Variants in LRRC4C observed in about 807,000 individuals in gnomAD.
The protein encoded by LRRC4C is leucine-rich repeat-containing protein 4C.
A neutral mutation model predicts 33.6 loss-of-function variants in LRRC4C; 5 were observed. The observed-to-expected ratio is 0.15, with a 90% CI of 0.08 to 0.31. The LOEUF (loss-of-function observed/expected upper bound fraction) is 0.31, where lower values mean the gene tolerates loss of function less well. Ranked by LOEUF, LRRC4C falls within the 10% of genes least tolerant of loss-of-function variation. The pLI, the probability that LRRC4C is intolerant of heterozygous loss-of-function variation, is 1.00. For synonymous variants in LRRC4C, 329 were observed against 302.0 expected, an observed-to-expected ratio of 1.09 and a Z score of -0.93; for missense variants, 560 against 796.7, an observed-to-expected ratio of 0.70 and a Z score of 3.58.
intron 3 of LRRC4C, among the ~76,000 whole-genome samples, chr11:40,339,473 C>T (rs1414871197): frequency 2.0e-5 from 3 of 152,156 alleles, no homozygotes; most frequent in African/African-American, 7.2e-5. Flanking sequence ...TTAAAATGTG[C>T]ACTATTTCAG....
intron 3 of LRRC4C, among the ~76,000 whole-genome samples, chr11:40,368,232 T>C (rs1408607910): frequency 6.6e-6 from 1 of 152,160 alleles, no homozygotes; most frequent in African/African-American, 2.4e-5. Flanking sequence ...TTGGTGGCGA[T>C]ACAATATACT....
At chr11:41,301,148 G>T (rs1950275714) in intron 1 of LRRC4C, among the ~76,000 whole-genome samples, 1 of 152,196 alleles carries the variant, frequency 6.6e-6, no homozygotes, top group African/African-American at 2.4e-5. Context: ...CTGTGTATTT[G>T]CTGCTGTGCT....
intron 1 of LRRC4C, among the ~76,000 whole-genome samples, chr11:41,163,282 C>CTTTTTTTTTTTTTTT (rs1207086558): frequency 2.2e-3 from 40 of 18,514 alleles, no homozygotes; most frequent in Non-Finnish European, 4.1e-3. Context: ...TTTACTGTAA[C>CTTTTTTTTTTTTTTT]TGTTTTTTTT....
At chr11:40,142,329 C>T (rs1423950143) in intron 5 of LRRC4C, among the ~76,000 whole-genome samples, 1 of 145,096 alleles carries the variant, frequency 6.9e-6, no homozygotes, top group East Asian at 2.0e-4. Context: ...AATGTTTTCC[C>T]AAATCTCATG....
intron 1 of LRRC4C, among the ~76,000 whole-genome samples, chr11:41,377,608 T>G (rs569538130): frequency 4.1e-4 from 63 of 152,286 alleles, no homozygotes; most frequent in African/African-American, 1.4e-3. Context: ...AAGACAGAAC[T>G]GAATCTCAGG....
intron 1 of LRRC4C, among the ~76,000 whole-genome samples, chr11:41,138,880 C>CT (rs1216530760): frequency 6.6e-6 from 1 of 152,122 alleles, no homozygotes; most frequent in African/African-American, 2.4e-5. Flanking sequence ...TTTAATTAAA[C>CT]TTTCTTTAAA....
rs372638970 is a variant in LRRC4C at position 40,269,334 on chromosome 11, A to G, written c.-175-27736T>C. 7.9e-5 allele frequency among the ~76,000 whole-genome samples: 12 copies of G among 152,324 alleles called. No homozygotes were observed. The East Asian group carries it at 2.1e-3, about 27-fold the overall frequency. The stretch of plus-strand genomic sequence containing the variant: ...TTTATTGAGTTCTTACTATGTGTCA[A>G]TCAAGTACCTAACACTAATTTTAAT... On this transcript the variant is annotated intron_variant, in intron 4 of 6. Coordinates refer to ENST00000528697, the MANE Select transcript of LRRC4C (RefSeq NM_001258419.2).
chr11:40,653,263 A>G (rs957809582), intron 2 of LRRC4C, among the ~76,000 whole-genome samples: 2 of 152,198 alleles, frequency 1.3e-5, no homozygotes, highest in African/African-American at 4.8e-5. Context: ...AGGGCTTAGA[A>G]TAAGACAGAA....
chr11:40,369,998 G>A (rs1948380920), intron 3 of LRRC4C, among the ~76,000 whole-genome samples: 1 of 152,040 alleles, frequency 6.6e-6, no homozygotes, highest in East Asian at 1.9e-4. Context: ...TTTTGGTAGA[G>A]AGAAGAAGAA....
intron 2 of LRRC4C, among the ~76,000 whole-genome samples, chr11:40,880,086 G>T (rs1324274574): frequency 1.3e-5 from 2 of 152,132 alleles, no homozygotes; most frequent in African/African-American, 2.4e-5. Flanking sequence ...GCCATGCTGT[G>T]AGAAAACCAG....
At chr11:40,983,963 T>A (rs1852727123) in intron 1 of LRRC4C, among the ~76,000 whole-genome samples, 1 of 152,146 alleles carries the variant, frequency 6.6e-6, no homozygotes, top group Admixed American at 6.5e-5. Flanking sequence ...AATTTTGTCA[T>A]GGAAATTCAA....
At chr11:40,179,110 C>T in intron 5 of LRRC4C, among the ~76,000 whole-genome samples, 1 of 151,528 alleles carries the variant, frequency 6.6e-6, no homozygotes. Flanking sequence ...GCTCCAGGGA[C>T]CTTCTTGCCT....
At chr11:40,687,420 C>T (rs1010388247) in intron 2 of LRRC4C, among the ~76,000 whole-genome samples, 7 of 151,882 alleles carry the variant, frequency 4.6e-5, no homozygotes, top group Admixed American at 2.6e-4. Flanking sequence ...ATAGATAGAT[C>T]GATCCTCTTT....
intron 6 of LRRC4C, among the ~76,000 whole-genome samples, chr11:40,139,101 G>A (rs1857183955): frequency 6.6e-6 from 1 of 152,184 alleles, no homozygotes; most frequent in Admixed American, 6.5e-5. Flanking sequence ...GCTAACAAGA[G>A]AAAGAGAGGG....
intron 1 of LRRC4C, among the ~76,000 whole-genome samples, chr11:41,432,749 T>G (rs1955284293): frequency 6.6e-6 from 1 of 152,126 alleles, no homozygotes; most frequent in African/African-American, 2.4e-5. Flanking sequence ...TAAATCATTT[T>G]CCTTCATTAA....
chr11:41,324,368 T>C (rs1951044955), intron 1 of LRRC4C, among the ~76,000 whole-genome samples: 1 of 152,056 alleles, frequency 6.6e-6, no homozygotes, highest in Non-Finnish European at 1.5e-5. Context: ...AGGCAGAAGT[T>C]GCGGTGAGCC....
At chr11:40,504,838 G>T (rs116467458) in intron 3 of LRRC4C, among the ~76,000 whole-genome samples, 2 of 152,032 alleles carry the variant, frequency 1.3e-5, no homozygotes, top group Non-Finnish European at 2.9e-5. Context: ...GACAAGATTC[G>T]GGAATTTTCT....
chr11:40,786,318 C>T (rs1181301593), intron 2 of LRRC4C, among the ~76,000 whole-genome samples: 2 of 152,162 alleles, frequency 1.3e-5, no homozygotes, highest in African/African-American at 4.8e-5. Flanking sequence ...GTGAATATGA[C>T]TTGAGCAGAT....
At chr11:40,396,420 G>T (rs534277721) in intron 3 of LRRC4C, among the ~76,000 whole-genome samples, 2 of 151,988 alleles carry the variant, frequency 1.3e-5, no homozygotes, top group Non-Finnish European at 2.9e-5. Context: ...TTAATTTCAT[G>T]TTCAAGTTAA....
Sources: gnomAD v4.1 joint callset for allele counts (sites outside exome capture counted in the v4.1 genomes callset) on GRCh38, gnomAD v4.1.1 for gene constraint, MANE v1.5 for transcripts, NCBI Gene and HGNC (gene_info 2026-07-23, HGNC 2026-07-21) for gene names.